The following RAB21 variants were observed in gnomAD, a reference collection of about 807,000 sequenced individuals.
The protein encoded by RAB21 is ras-related protein Rab-21.
RAB21 carries 13 observed loss-of-function variants against 33.1 expected under a neutral mutation model. The ratio of observed to expected loss-of-function variants is 0.39; its 90% CI spans 0.26 to 0.62. The LOEUF (loss-of-function observed/expected upper bound fraction) is 0.62. RAB21 is among the 20% of genes least tolerant of loss of function. The pLI, the probability that RAB21 is intolerant of heterozygous loss-of-function variation, is 0.48. For synonymous variants in RAB21, 91 were observed against 103.7 expected, an observed-to-expected ratio of 0.88 and a Z score of 0.74; for missense variants, 234 against 279.1, an observed-to-expected ratio of 0.84 and a Z score of 1.15.
chr12:71,774,338 T>G (rs1248917974), intron 4 of RAB21: 1 of 154,570 alleles, frequency 6.5e-6, no homozygotes, highest in Admixed American at 7.1e-5. Flanking sequence ...TGGTGGCATA[T>G]GCCTATAGTC....
At chr12:71,781,697 A>G (rs1415709919) in intron 4 of RAB21, among the ~76,000 whole-genome samples, 2 of 152,172 alleles carry the variant, frequency 1.3e-5, no homozygotes, top group African/African-American at 2.4e-5. Context: ...ACTTTTGATC[A>G]TTTACACTTG....
At chr12:71,762,109 A>T (rs920804393) in intron 1 of RAB21, among the ~76,000 whole-genome samples, 2 of 152,164 alleles carry the variant, frequency 1.3e-5, no homozygotes, top group Admixed American at 1.3e-4. Flanking sequence ...GTTTTTGTGA[A>T]TGTGGCCACA....
intron 4 of RAB21, among the ~76,000 whole-genome samples, chr12:71,778,995 T>C (rs1883159639): frequency 6.6e-6 from 1 of 152,258 alleles, no homozygotes; most frequent in Non-Finnish European, 1.5e-5. Flanking sequence ...TGACTTTCCA[T>C]TTGATCATTC....
At chr12:71,781,532 A>G (rs1204590982) in intron 4 of RAB21, among the ~76,000 whole-genome samples, 2 of 152,104 alleles carry the variant, frequency 1.3e-5, no homozygotes, top group Admixed American at 1.3e-4. Context: ...AAATCTGTAC[A>G]CTTTAATTTT....
At chr12:71,759,438 G>A (rs1271743302) in intron 1 of RAB21, among the ~76,000 whole-genome samples, 2 of 152,250 alleles carry the variant, frequency 1.3e-5, no homozygotes, top group Admixed American at 6.5e-5. Context: ...GTAGTCCAGT[G>A]ATACATGACC....
chr12:71,757,274 ATT>A (rs1366204127), intron 1 of RAB21, among the ~76,000 whole-genome samples: 1 of 151,930 alleles, frequency 6.6e-6, no homozygotes, highest in Non-Finnish European at 1.5e-5. Context: ...CATCTGGCTA[ATT>A]TTTTTGTATT....
chr12:71,773,848 T>C (rs541135102), intron 3 of RAB21, 111 bp from the exon 4 acceptor site: 179 of 709,714 alleles, frequency 2.5e-4, no homozygotes, highest in Admixed American at 3.8e-4. Flanking sequence ...AACTAAATAA[T>C]ATAGACTCTT....
intron 6 of RAB21, among the ~76,000 whole-genome samples, chr12:71,784,999 G>A (rs1024904521): frequency 9.2e-5 from 14 of 151,924 alleles, no homozygotes; most frequent in Non-Finnish European, 1.8e-4. Context: ...GACTGAGGCA[G>A]GAGGATCAAC....
At position 71,789,274 on chromosome 12, in the gene RAB21, T is replaced by A. The variant is rs1202575517; in HGVS notation, c.*3601T>A. On this transcript the variant is annotated 3_prime_UTR_variant, in exon 7 of 7. Coordinates refer to ENST00000261263, the MANE Select transcript of RAB21 (RefSeq NM_014999.4). ...TGCATTATGCCAAATATTAAGAACA[T>A]TTTAAAAATGGATTGTGATACTGTT... 1.3e-5 allele frequency: 2 copies of A among 152,110 alleles called. No individual in the cohort carries two copies. Among genetic ancestry groups the A allele is most frequent in the African/African-American group, 4.8e-5 (2 of 41,448 alleles). 9.4% of individuals were successfully genotyped at this position (152,110 alleles called of 1,614,324 possible).
In RAB21 at chr12:71,785,703, A is replaced by G; in HGVS notation, c.*30A>G. 6.2e-7 allele frequency: 1 copy of G among 1,612,374 alleles called. No homozygotes were observed. Among genetic ancestry groups the G allele is most frequent in the South Asian group, 1.1e-5 (1 of 90,938 alleles). ...TCACGCCTAAGAAATTAAAAGACAG[A>G]ACAAAACTGTGGATCATTGCCCTCA... On this transcript the variant is annotated 3_prime_UTR_variant, in exon 7 of 7. Coordinates refer to ENST00000261263, the MANE Select transcript of RAB21 (RefSeq NM_014999.4).
intron 6 of RAB21, among the ~76,000 whole-genome samples, chr12:71,783,558 G>T (rs1380794075): frequency 6.6e-6 from 1 of 151,940 alleles, no homozygotes; most frequent in East Asian, 1.9e-4. Flanking sequence ...GATGTCCCCT[G>T]ATCAGCAGCA....
intron 1 of RAB21, among the ~76,000 whole-genome samples, chr12:71,766,003 T>C (rs2137643766): frequency 6.6e-6 from 1 of 152,244 alleles, no homozygotes; most frequent in Admixed American, 6.5e-5. Flanking sequence ...AATCTTTCCA[T>C]AGAGCAGGGC....
Position 71,795,268 on chromosome 12 carries a change from C to T in RAB21, c.*9595C>T, listed in dbSNP as rs1211042451. On this transcript the variant is annotated 3_prime_UTR_variant, in exon 7 of 7. Coordinates refer to ENST00000261263, the MANE Select transcript of RAB21 (RefSeq NM_014999.4). The stretch of plus-strand genomic sequence containing the variant: ...TAGCCCCTTAAAAATATTGTCAAAG[C>T]ATCATGGTATTTGTAGTGGTGCTTA... 5 of 152,260 alleles carry T rather than the reference C, an allele frequency of 3.3e-5. No homozygotes were observed. Among genetic ancestry groups the T allele is most frequent in the Middle Eastern group, 6.8e-3 (2 of 294 alleles). The allele number at this position is 152,260 out of a possible 1,614,324, so 9.4% of individuals were successfully genotyped here. A position where few individuals can be genotyped will look rare whatever the true frequency, so the allele number is the denominator to read the frequency against.
intron 4 of RAB21, among the ~76,000 whole-genome samples, chr12:71,779,741 A>G (rs1883171232): frequency 6.6e-6 from 1 of 152,100 alleles, no homozygotes; most frequent in Admixed American, 6.5e-5. Flanking sequence ...CTATTTGTTT[A>G]TGTTTTTAAT....
At chr12:71,767,110 G>A (rs187415800) in intron 1 of RAB21, among the ~76,000 whole-genome samples, 82 of 152,234 alleles carry the variant, frequency 5.4e-4, no homozygotes, top group African/African-American at 1.8e-3. Flanking sequence ...TGCATGGATG[G>A]CTATTTTTGT....
chr12:71,794,221 CA>C lies in RAB21; in HGVS notation c.*8555del. The C allele has an allele frequency of 7.7e-6, 1 of 130,208 alleles. No individual in the cohort carries two copies. Among genetic ancestry groups the C allele is most frequent in the Non-Finnish European group, 1.5e-5 (1 of 65,322 alleles). The allele number at this position is 130,208 out of a possible 1,614,324, so 8.1% of individuals were successfully genotyped here. On this transcript the variant is annotated 3_prime_UTR_variant, in exon 7 of 7. Transcript: ENST00000261263. ...TGGACGACAGAGTGAGGCCCTGTCT[CA>C]AAAAAAGAAAAAAGAAAAAAAAAAG...
intron 1 of RAB21, among the ~76,000 whole-genome samples, chr12:71,762,774 G>C (rs1232804035): frequency 6.6e-6 from 1 of 152,182 alleles, no homozygotes; most frequent in East Asian, 1.9e-4. Flanking sequence ...TAGAGATGGG[G>C]TTTCACCTTG....
chr12:71,763,103 A>G (rs989666183), intron 1 of RAB21, among the ~76,000 whole-genome samples: 5 of 19,516 alleles, frequency 2.6e-4, no homozygotes, highest in Admixed American at 1.3e-3. Flanking sequence ...TTTTGCACGC[A>G]CACACACACA....
Position 71,768,932 on chromosome 12 carries a change from CGT to C in RAB21, c.160-853_160-852del, listed in dbSNP as rs60960317. ...CATAGTATTTCCAAAGTATACTTGA[CGT>C]GTGTGTGTGTGTGTCTAAATACATG... is the stretch of plus-strand genomic sequence containing the variant. On this transcript the variant is annotated intron_variant, in intron 1 of 6. Coordinates refer to ENST00000261263, the MANE Select transcript of RAB21 (RefSeq NM_014999.4). Among the ~76,000 whole-genome samples the C allele has an allele frequency of 4.9e-3, 743 of 151,514 alleles. 7 individuals are homozygous for C. The highest frequency in any genetic ancestry group is 0.017 in the African/African-American group (705 of 41,298).
Sources: allele counts gnomAD v4.1 joint callset (sites outside exome capture counted in the v4.1 genomes callset), GRCh38; gene constraint gnomAD v4.1.1; transcripts MANE v1.5; gene names NCBI Gene and HGNC (gene_info 2026-07-23, HGNC 2026-07-21).